The following NCEH1 variants were observed in gnomAD, a reference collection of about 807,000 sequenced individuals.
The protein encoded by NCEH1 is neutral cholesterol ester hydrolase 1.
A neutral mutation model predicts 25.4 loss-of-function variants in NCEH1; 9 were observed. The observed-to-expected ratio is 0.35, with a 90% confidence interval of 0.21 to 0.62. NCEH1 has a LOEUF of 0.62. NCEH1 is among the 20% of genes least tolerant of loss of function. The pLI, the probability that NCEH1 is intolerant of heterozygous loss-of-function variation, is 0.72. For synonymous variants in NCEH1, 200 were observed against 199.8 expected, an observed-to-expected ratio of 1.00 and a Z score of -0.01; for missense variants, 412 against 501.1, an observed-to-expected ratio of 0.82 and a Z score of 1.70.
In NCEH1 at chr3:172,653,744, GTT is replaced by G. The variant is rs796835886; in HGVS notation, c.139-5632_139-5631del. ...TTGTTGTTGTTGTTCTGTTTTTTTT[GTT>G]TTTTTGTTTTTTTGTTTTTTTTTTT... On this transcript the variant is annotated intron_variant, in intron 1 of 4. Coordinates refer to ENST00000475381, the MANE Select transcript of NCEH1 (RefSeq NM_020792.6). 8.5e-4 allele frequency among the ~76,000 whole-genome samples: 81 copies of G among 95,658 alleles called. 3 individuals are homozygous for G. Among genetic ancestry groups the G allele is most frequent in the African/African-American group, 3.1e-3 (75 of 23,900 alleles). The allele number at this position is 95,658 out of a possible 152,430, so 62.8% of individuals were successfully genotyped here.
At chr3:172,695,157 C>T (rs1418185159) in intron 1 of NCEH1, among the ~76,000 whole-genome samples, 3 of 152,148 alleles carry the variant, frequency 2.0e-5, no homozygotes, top group Non-Finnish European at 4.4e-5. Flanking sequence ...ATCTCTAAGC[C>T]CCAGAGTTGT....
intron 1 of NCEH1, chr3:172,681,066 A>G (rs1712345565): frequency 6.6e-6 from 1 of 151,852 alleles, no homozygotes; most frequent in African/African-American, 2.4e-5. Flanking sequence ...GTGGCGAAAT[A>G]GAGGGGATAT....
At chr3:172,641,754 C>T (rs865830183) in intron 3 of NCEH1, among the ~76,000 whole-genome samples, 6 of 152,150 alleles carry the variant, frequency 3.9e-5, no homozygotes, top group African/African-American at 1.2e-4. Flanking sequence ...CTCTCTGCCT[C>T]GTCCCTCCCC....
At position 172,633,216 on chromosome 3, in the gene NCEH1, C is replaced by T; in HGVS notation, c.*259G>A. The T allele has an allele frequency of 2.3e-6, 1 of 435,442 alleles. No individual in the cohort carries two copies. Among genetic ancestry groups the T allele is most frequent in the Non-Finnish European group, 4.1e-6 (1 of 241,296 alleles). The allele number at this position is 435,442 out of a possible 1,614,324, so 27.0% of individuals were successfully genotyped here. On this transcript the variant is annotated 3_prime_UTR_variant, in exon 5 of 5. Coordinates refer to ENST00000475381, the MANE Select transcript of NCEH1 (RefSeq NM_020792.6). ...TCCTGCTTTCTGTAGCTGTAGGTATCAGTATAGTTGGCTAAGATAACAAGA... is the reference window on the plus strand; with the variant it reads ...TCCTGCTTTCTGTAGCTGTAGGTATTAGTATAGTTGGCTAAGATAACAAGA...
chr3:172,648,512 G>A (rs971690214), intron 1 of NCEH1, among the ~76,000 whole-genome samples: 4 of 151,970 alleles, frequency 2.6e-5, no homozygotes, highest in Admixed American at 2.6e-4. Context: ...TTATTTCAAT[G>A]CAAATAAAAG....
intron 1 of NCEH1, among the ~76,000 whole-genome samples, chr3:172,695,506 C>T (rs1457125266): frequency 6.6e-6 from 1 of 152,158 alleles, no homozygotes; most frequent in African/African-American, 2.4e-5. Flanking sequence ...TTTGACTCTG[C>T]CACTTATGGG....
intron 1 of NCEH1, among the ~76,000 whole-genome samples, chr3:172,648,406 C>T (rs772518213): frequency 8.6e-5 from 13 of 152,038 alleles, no homozygotes; most frequent in Non-Finnish European, 1.5e-4. Flanking sequence ...GGACTCAAAC[C>T]TAAGATTAGG....
intron 1 of NCEH1, among the ~76,000 whole-genome samples, chr3:172,658,447 T>C (rs940540356): frequency 3.9e-5 from 6 of 152,194 alleles, no homozygotes; most frequent in African/African-American, 1.4e-4. Context: ...CATGAGGGCA[T>C]GCATGGACCT....
chr3:172,669,041 T>C (rs1334932259), intron 1 of NCEH1, among the ~76,000 whole-genome samples: 2 of 152,012 alleles, frequency 1.3e-5, no homozygotes, highest in African/African-American at 4.8e-5. Flanking sequence ...GTTTCTTCTC[T>C]CTCCAACTGG....
intron 1 of NCEH1, among the ~76,000 whole-genome samples, chr3:172,650,747 T>C (rs1372355234): frequency 7.2e-6 from 1 of 138,410 alleles, no homozygotes; most frequent in African/African-American, 2.8e-5. Flanking sequence ...GGGAGGCAGA[T>C]GTTGCAGTCA....
rs1717516156 is a variant in NCEH1, at chr3:172,653,609, T to C, written c.139-5495A>G. ...ACCTCTGTCTGGGGATGAAATCCAG[T>C]AAGGTGTCTGGCCCTCAATTACATC... On this transcript the variant is annotated intron_variant, in intron 1 of 4. Transcript: ENST00000475381. Among the ~76,000 whole-genome samples, 3 of 152,252 alleles carry C rather than the reference T, an allele frequency of 2.0e-5. No individual in the cohort carries two copies. In the South Asian group the frequency reaches 6.2e-4, roughly 32 times the overall value.
intron 1 of NCEH1, among the ~76,000 whole-genome samples, chr3:172,701,270 TG>T (rs1462294562): frequency 6.6e-6 from 1 of 152,106 alleles, no homozygotes; most frequent in East Asian, 1.9e-4. Flanking sequence ...ATCAGGGTCA[TG>T]GTCCCCATTC....
intron 1 of NCEH1, among the ~76,000 whole-genome samples, chr3:172,683,472 C>T (rs113835027): frequency 0.01 from 1,515 of 146,792 alleles, 33 homozygotes; most frequent in African/African-American, 0.036. Flanking sequence ...GAGTTCAAGA[C>T]AAGCCTGGGC....
chr3:172,687,301 C>G (rs1050618656), intron 1 of NCEH1, among the ~76,000 whole-genome samples: 1 of 152,118 alleles, frequency 6.6e-6, no homozygotes, highest in African/African-American at 2.4e-5. Context: ...GTTTTCACCC[C>G]TTGGAGTTCA....
At chr3:172,704,662 A>G (rs972566475) in intron 1 of NCEH1, among the ~76,000 whole-genome samples, 11 of 152,224 alleles carry the variant, frequency 7.2e-5, no homozygotes, top group Admixed American at 7.2e-4. Context: ...ATTTCATAAT[A>G]TGACACATCT....
intron 1 of NCEH1, among the ~76,000 whole-genome samples, chr3:172,663,072 C>A (rs1202320769): frequency 2.6e-5 from 4 of 152,164 alleles, no homozygotes; most frequent in Non-Finnish European, 4.4e-5. Flanking sequence ...AATTTTAGAT[C>A]TTTCCTGCTT....
chr3:172,659,037 G>C (rs138612553), intron 1 of NCEH1, among the ~76,000 whole-genome samples: 1 of 151,886 alleles, frequency 6.6e-6, no homozygotes, highest in Admixed American at 6.6e-5. Context: ...ACCACGGGGG[G>C]TCAGTGAATC....
chr3:172,690,729 G>A (rs1269470999), intron 1 of NCEH1, among the ~76,000 whole-genome samples: 1 of 152,156 alleles, frequency 6.6e-6, no homozygotes, highest in Non-Finnish European at 1.5e-5. Context: ...ACAAAAGATG[G>A]AAATAATATG....
chr3:172,657,765 A>T (rs1249196082), intron 1 of NCEH1, among the ~76,000 whole-genome samples: 2 of 152,220 alleles, frequency 1.3e-5, no homozygotes, highest in Non-Finnish European at 2.9e-5. Context: ...TCTACATTGG[A>T]ACCTCATTTC....
Sources: gnomAD v4.1 joint callset for allele counts (sites outside exome capture counted in the v4.1 genomes callset) on GRCh38, gnomAD v4.1.1 for gene constraint, MANE v1.5 for transcripts, NCBI Gene and HGNC (gene_info 2026-07-23, HGNC 2026-07-21) for gene names.